FLT1: variants seen among roughly 807,000 people sequenced by gnomAD.
FLT1 encodes the protein vascular endothelial growth factor receptor 1.
In FLT1, 49 loss-of-function variants were observed where a neutral mutation model predicts 156.3. The ratio of observed to expected loss-of-function variants is 0.31; its 90% CI spans 0.25 to 0.40. The LOEUF is 0.40. FLT1 is among the 10% of genes least tolerant of loss of function. FLT1 has a pLI of 1.00. For synonymous variants in FLT1, 594 were observed against 583.8 expected (o/e 1.02, Z -0.25); for missense variants, 1,322 against 1,637.2 (o/e 0.81, Z 3.32).
intron 14 of FLT1, among the ~76,000 whole-genome samples, chr13:28,377,099 T>C (rs1232432883): frequency 6.6e-6 from 1 of 152,176 alleles, no homozygotes; most frequent in Non-Finnish European, 1.5e-5. Context: ...CTCTCTTATC[T>C]CTGGCTCTCT....
In FLT1 at chr13:28,303,096, A is replaced by G; in HGVS notation, c.*71T>C. 2 of 1,406,526 alleles carry G rather than the reference A, an allele frequency of 1.4e-6. No homozygotes were observed. The highest frequency in any genetic ancestry group is 1.0e-6 in the Non-Finnish European group (1 of 1,004,748). 87.1% of individuals were successfully genotyped at this position (1,406,526 alleles called of 1,614,324 possible). On this transcript the variant is annotated 3_prime_UTR_variant, in exon 30 of 30. Coordinates refer to ENST00000282397, the MANE Select transcript of FLT1 (RefSeq NM_002019.4). ...AGGTGTAAACTTATATATGCATAAT[A>G]CTGGCAAAAGCTAGTTTCCTGGGGG... is the stretch of plus-strand genomic sequence containing the variant.
At chr13:28,481,593 G>A (rs1321773610) in intron 1 of FLT1, among the ~76,000 whole-genome samples, 1 of 152,172 alleles carries the variant, frequency 6.6e-6, no homozygotes, top group Non-Finnish European at 1.5e-5. Flanking sequence ...AGTATTTATT[G>A]AGTGACCATT....
intron 1 of FLT1, among the ~76,000 whole-genome samples, chr13:28,473,789 AG>A: frequency 9.8e-6 from 1 of 101,552 alleles, no homozygotes; most frequent in Admixed American, 1.1e-4. Context: ...AAAGAAAGAA[AG>A]AAAGAAAGAA....
At chr13:28,313,891 A>G (rs1343988807) in intron 25 of FLT1, among the ~76,000 whole-genome samples, 2 of 48,778 alleles carry the variant, frequency 4.1e-5, no homozygotes, top group African/African-American at 1.3e-4. Flanking sequence ...AGGGAGGTAA[A>G]AAAAAAAAAA....
At chr13:28,314,331 G>A (rs570100778) in intron 25 of FLT1, among the ~76,000 whole-genome samples, 2 of 152,078 alleles carry the variant, frequency 1.3e-5, no homozygotes, top group Admixed American at 1.3e-4. Context: ...CTTGGATTCC[G>A]ATTTCTAGTT....
At chr13:28,345,342 GGAAA>G in intron 16 of FLT1, 99 bp downstream of exon 16, 1 of 729,500 alleles carries the variant, frequency 1.4e-6, no homozygotes, top group Non-Finnish European at 2.5e-6. Context: ...GAGAGGGAAG[GGAAA>G]GAAAGAGGGT....
chr13:28,435,581 A>G (rs187727243), intron 4 of FLT1, among the ~76,000 whole-genome samples: 2 of 152,322 alleles, frequency 1.3e-5, no homozygotes, highest in East Asian at 1.9e-4. Flanking sequence ...AACCTTTTCT[A>G]TCGCCTTTTA....
chr13:28,321,437 G>A (rs1483750777), intron 23 of FLT1, 26 bp downstream of exon 23: 4 of 1,612,738 alleles, frequency 2.5e-6, no homozygotes, highest in Non-Finnish European at 3.4e-6. Context: ...ACACACATGA[G>A]TCAAATAAAC....
Position 28,308,935 on chromosome 13 carries a change from A to G in FLT1, c.3636-8T>C, listed in dbSNP as rs770960653. 4 of 1,524,750 alleles carry G rather than the reference A, an allele frequency of 2.6e-6. No homozygotes were observed. The South Asian group carries it at 3.4e-5, about 13-fold the overall frequency. 94.5% of individuals were successfully genotyped at this position (1,524,750 alleles called of 1,614,324 possible). ...TTGAAAGCATTTACGTATCTAATGA[A>G]GAAACAGAAAGAATTATCAAGACAG... On this transcript the variant is annotated splice_region_variant and splice_polypyrimidine_tract_variant and intron_variant, in intron 27 of 29. Transcript: ENST00000282397.
chr13:28,383,744 G>A (rs116339897), intron 14 of FLT1, among the ~76,000 whole-genome samples: 4 of 152,188 alleles, frequency 2.6e-5, no homozygotes, highest in African/African-American at 7.2e-5. Context: ...CATGACAATC[G>A]CTTGAACCCA....
At chr13:28,353,552 G>A (rs1384354913) in intron 15 of FLT1, among the ~76,000 whole-genome samples, 1 of 137,048 alleles carries the variant, frequency 7.3e-6, no homozygotes, top group Non-Finnish European at 1.5e-5. Flanking sequence ...TAGCCTGGCT[G>A]ACAGACCAAG....
chr13:28,434,694 C>T (rs1185707358), intron 4 of FLT1, among the ~76,000 whole-genome samples: 2 of 152,158 alleles, frequency 1.3e-5, no homozygotes. Flanking sequence ...ACCAGCCTGG[C>T]CAACATGGTG....
At position 28,311,476 on chromosome 13, in the gene FLT1, TTCTTTCTTTCTC is replaced by T. The variant is rs527781557; in HGVS notation, c.3635+102_3635+113del. On this transcript the variant is annotated intron_variant, in intron 27 of 29. Transcript: ENST00000282397. ...AATCTTTCTTTCTTTCTTTCTCTCT[TTCTTTCTTTCTC>T]TCTTTCTTTCTCTCTTTCGTCTTTC... 301 of 913,948 alleles carry T rather than the reference TTCTTTCTTTCTC, an allele frequency of 3.3e-4. 4 individuals carry two copies. Among genetic ancestry groups the T allele is most frequent in the Middle Eastern group, 1.4e-3 (4 of 2,962 alleles). The allele number at this position is 913,948 out of a possible 1,614,324, so 56.6% of individuals were successfully genotyped here.
At chr13:28,333,827 A>G (rs1872016646) in intron 18 of FLT1, among the ~76,000 whole-genome samples, 198 bp downstream of exon 18, 2 of 152,166 alleles carry the variant, frequency 1.3e-5, no homozygotes, top group South Asian at 4.1e-4. Flanking sequence ...GGATTGTTCC[A>G]TTTACAAGGT....
Position 28,329,664 on chromosome 13 carries a change from G to A in FLT1, c.2658C>T (p.Gly886=), listed in dbSNP as rs570848986. ...GCAGGTTAACCACGTTCAGATGGTGGCCAATGTGGGTCAAGATTTTTAGCT... is the reference window on the plus strand; with the variant it reads ...GCAGGTTAACCACGTTCAGATGGTGACCAATGTGGGTCAAGATTTTTAGCT... ...MTELKILTHI[G]HHLNVVNLLG... is the part of the protein sequence containing the mutation. Residue 886 remains glycine (G), a synonymous_variant, in exon 19 of 30, where the codon GGC becomes GGT. Transcript: ENST00000282397. 5 of 1,614,192 alleles carry A rather than the reference G, an allele frequency of 3.1e-6. No homozygotes were observed. In the African/African-American group the frequency reaches 5.3e-5, roughly 17 times the overall value.
chr13:28,478,113 A>C (rs895521578), intron 1 of FLT1, among the ~76,000 whole-genome samples: 4 of 152,220 alleles, frequency 2.6e-5, no homozygotes, highest in African/African-American at 9.6e-5. Flanking sequence ...TGTATTATTA[A>C]GACTAGTAGT....
intron 16 of FLT1, among the ~76,000 whole-genome samples, chr13:28,343,922 G>A (rs540604297): frequency 6.5e-4 from 99 of 151,926 alleles, no homozygotes; most frequent in African/African-American, 2.2e-3. Context: ...GATTACAGGC[G>A]TGAGCCACCG....
chr13:28,493,596 T>C (rs1323239926), intron 1 of FLT1, among the ~76,000 whole-genome samples: 2 of 152,256 alleles, frequency 1.3e-5, no homozygotes, highest in African/African-American at 4.8e-5. Flanking sequence ...ACTTATTTTA[T>C]ATTACTATAT....
intron 14 of FLT1, among the ~76,000 whole-genome samples, chr13:28,373,765 T>TG (rs1873725136): frequency 1.3e-5 from 2 of 152,342 alleles, no homozygotes; most frequent in Admixed American, 1.3e-4. Flanking sequence ...CTCTTAGTTT[T>TG]GGGGTTAGTG....
Sources: gnomAD v4.1 joint callset for allele counts (sites outside exome capture counted in the v4.1 genomes callset) on GRCh38, gnomAD v4.1.1 for gene constraint, MANE v1.5 for transcripts, NCBI Gene and HGNC (gene_info 2026-07-23, HGNC 2026-07-21) for gene names.